C11orf54: variants seen among roughly 807,000 people sequenced by gnomAD.
The protein encoded by C11orf54 is beta-keto L-gulonate decarboxylase.
A neutral mutation model predicts 35.5 loss-of-function variants in C11orf54; 29 were observed. That is an observed-to-expected ratio of 0.82 (90% confidence interval 0.61 to 1.11). The LOEUF is 1.11. Among genes scored for constraint, C11orf54 ranks in the 50% most tolerant of loss-of-function variants. The probability of loss-of-function intolerance (pLI) is 0.00; values close to 1 mark genes in which losing one functional copy is unlikely to be tolerated. For synonymous variants in C11orf54, 108 were observed against 121.1 expected (o/e 0.89, Z 0.71); for missense variants, 373 against 369.2 (o/e 1.01, Z -0.08).
rs375325869 is a variant in C11orf54, at chr11:93,761,681, G to A, written c.941G>A (p.Arg314Gln). Residue 314 changes from arginine to glutamine, a missense_variant, in exon 9 of 9, where the codon CGA becomes CAA. Arg to Gln is a conservative substitution (Grantham distance 43). Coordinates refer to ENST00000354421, the MANE Select transcript of C11orf54 (RefSeq NM_001286069.2). ...DQPKETHSIG[R>Q]D The stretch of plus-strand genomic sequence containing the variant: ...CCAAAAGAGACGCATTCAATTGGGC[G>A]AGATTAAATCAGCTGATACTTATTT... 6.9e-6 allele frequency: 11 copies of A among 1,591,670 alleles called. No individual in the cohort carries two copies. The African/African-American group carries it at 9.5e-5, about 14-fold the overall frequency.
At chr11:93,757,508 G>C (rs777054743) in intron 7 of C11orf54, 43 bp downstream of exon 7, 2 of 1,552,936 alleles carry the variant, frequency 1.3e-6, no homozygotes, top group Admixed American at 3.9e-5. Context: ...GAGTTTGTGT[G>C]TGTGCACTTA....
intron 2 of C11orf54, among the ~76,000 whole-genome samples, chr11:93,749,012 C>T (rs1028688497): frequency 4.6e-5 from 7 of 151,586 alleles, no homozygotes; most frequent in African/African-American, 7.3e-5. Flanking sequence ...GGTGTGGTGG[C>T]GGGCGCCTGT....
chr11:93,749,760 T>G (rs960407913), intron 2 of C11orf54, among the ~76,000 whole-genome samples: 3 of 152,226 alleles, frequency 2.0e-5, no homozygotes, highest in Non-Finnish European at 2.9e-5. Flanking sequence ...TACAGTAAAG[T>G]ATGCTAATCT....
intron 8 of C11orf54, among the ~76,000 whole-genome samples, 175 bp downstream of exon 8, chr11:93,760,033 G>A (rs1055837114): frequency 6.6e-6 from 1 of 152,210 alleles, no homozygotes; most frequent in African/African-American, 2.4e-5. Context: ...TGCAACCTCC[G>A]CCTCCTGGGT....
intron 8 of C11orf54, among the ~76,000 whole-genome samples, chr11:93,760,227 G>A (rs1228398231): frequency 6.6e-6 from 1 of 152,140 alleles, no homozygotes; most frequent in Non-Finnish European, 1.5e-5. Context: ...TTACAAGCAT[G>A]AGCCACCATG....
At position 93,763,249 on chromosome 11, in the gene C11orf54, A is replaced by C. The variant is rs532897043; in HGVS notation, c.*1561A>C. 2 of 152,162 alleles carry C rather than the reference A, an allele frequency of 1.3e-5. No individual in the cohort carries two copies. The highest frequency in any genetic ancestry group is 4.8e-5 in the African/African-American group (2 of 41,432). 9.4% of individuals were successfully genotyped at this position (152,162 alleles called of 1,614,324 possible). A position where few individuals can be genotyped will look rare whatever the true frequency, so the allele number is the denominator to read the frequency against. On this transcript the variant is annotated 3_prime_UTR_variant, in exon 9 of 9. Transcript: ENST00000354421. Reference sequence around the variant, plus strand: ...GCCTTTAACTGCTAGCAAAGTAGCCACTCGGATGATTATACCAAACACTTT... The same window carrying C: ...GCCTTTAACTGCTAGCAAAGTAGCCCCTCGGATGATTATACCAAACACTTT...
intron 1 of C11orf54, among the ~76,000 whole-genome samples, chr11:93,744,967 T>G (rs11020505): frequency 0.55 from 84,246 of 151,932 alleles, 24,797 homozygotes; most frequent in Admixed American, 0.69. Context: ...TAAAGAAATC[T>G]GCGTCATAAA....
Position 93,754,045 on chromosome 11 carries a change from T to C in C11orf54, c.330+8T>C. The C allele has an allele frequency of 6.2e-7, 1 of 1,602,966 alleles. No homozygotes were observed. Among genetic ancestry groups the C allele is most frequent in the Non-Finnish European group, 8.5e-7 (1 of 1,174,896 alleles). On this transcript the variant is annotated splice_region_variant and intron_variant, in intron 5 of 8. Transcript: ENST00000354421. Reference sequence around the variant, plus strand: ...CTCGGGTTCAATTCTGAGGTCAGCATATATAAGAAAATTATTTTACTTTAT... The same window carrying C: ...CTCGGGTTCAATTCTGAGGTCAGCACATATAAGAAAATTATTTTACTTTAT...
chr11:93,761,596 G>C lies in C11orf54; in HGVS notation c.856G>C (p.Asp286His). The change falls in exon 9 of 9, where the codon GAT becomes CAT. Residue 286 changes from aspartate (D) to histidine (H), a missense_variant. By Grantham distance (81) the Asp-to-His change is moderately conservative. Coordinates refer to ENST00000354421, the MANE Select transcript of C11orf54 (RefSeq NM_001286069.2). ...ACACTACCATTATGACACTACTCCA[G>C]ATATAGTGGAATATCTTGGATACTT... is the stretch of plus-strand genomic sequence containing the variant. Reference protein sequence around the residue: ...GGHYHYDTTPDIVEYLGYFLP... With the variant: ...GGHYHYDTTPHIVEYLGYFLP... The C allele has an allele frequency of 6.2e-7, 1 of 1,613,424 alleles. No individual in the cohort carries two copies. Among genetic ancestry groups the C allele is most frequent in the Non-Finnish European group, 8.5e-7 (1 of 1,179,636 alleles).
rs1943546753 is a variant in C11orf54 at position 93,763,115 on chromosome 11, A to G, written c.*1427A>G. 3.3e-5 allele frequency: 5 copies of G among 152,210 alleles called. No homozygotes were observed. The highest frequency in any genetic ancestry group is 2.0e-4 in the Admixed American group (3 of 15,282). The allele number at this position is 152,210 out of a possible 1,614,324, so 9.4% of individuals were successfully genotyped here. ...TTGTAATATCTTACCTCCAGACAAA[A>G]TAATATTAATAGTCTATCATTTAAC... is the stretch of plus-strand genomic sequence containing the variant. On this transcript the variant is annotated 3_prime_UTR_variant, in exon 9 of 9. Transcript: ENST00000354421.
rs1450887176 is a variant in C11orf54, at chr11:93,763,410, C to G, written c.*1722C>G. 2 of 152,134 alleles carry G rather than the reference C, an allele frequency of 1.3e-5. No individual in the cohort carries two copies. Among genetic ancestry groups the G allele is most frequent in the African/African-American group, 4.8e-5 (2 of 41,426 alleles). The allele number at this position is 152,134 out of a possible 1,614,324, so 9.4% of individuals were successfully genotyped here. On this transcript the variant is annotated 3_prime_UTR_variant, in exon 9 of 9. Coordinates refer to ENST00000354421, the MANE Select transcript of C11orf54 (RefSeq NM_001286069.2). ...GCTATTTTTTTGTGGCCATCCCGCACTGAGACAGGATGCATTCCACACTCA... is the reference window on the plus strand; with the variant it reads ...GCTATTTTTTTGTGGCCATCCCGCAGTGAGACAGGATGCATTCCACACTCA...
Position 93,753,988 on chromosome 11 carries a change from T to G in C11orf54, c.281T>G (p.Ile94Ser), listed in dbSNP as rs1351640309. Reference protein sequence around the residue: ...AKEIKLPGAFILGAGAGPFQT... With the variant: ...AKEIKLPGAFSLGAGAGPFQT... Reference sequence around the variant, plus strand: ...GAAATCAAGCTGCCTGGAGCCTTTATTCTTGGAGCAGGAGCAGGTCCATTT... The same window carrying G: ...GAAATCAAGCTGCCTGGAGCCTTTAGTCTTGGAGCAGGAGCAGGTCCATTT... Residue 94 changes from isoleucine (I) to serine (S), a missense_variant, in exon 5 of 9, where the codon ATT becomes AGT. By Grantham distance (142) the Ile-to-Ser change is moderately radical. Transcript: ENST00000354421. The G allele has an allele frequency of 3.7e-6, 6 of 1,614,164 alleles. No homozygotes were observed. The highest frequency in any genetic ancestry group is 5.1e-6 in the Non-Finnish European group (6 of 1,180,006).
In C11orf54 at chr11:93,763,692, G is replaced by T. The variant is rs1045328292; in HGVS notation, c.*2004G>T. 6.6e-6 allele frequency: 1 copy of T among 152,170 alleles called. No individual in the cohort carries two copies. The highest frequency in any genetic ancestry group is 2.1e-4 in the South Asian group (1 of 4,830). 9.4% of individuals were successfully genotyped at this position (152,170 alleles called of 1,614,324 possible). ...AATCACTTGAGCCCAGAAGTTGGAG[G>T]CTACAGTGAGCTATGATTGTTTCAT... On this transcript the variant is annotated 3_prime_UTR_variant, in exon 9 of 9. Transcript: ENST00000354421.
At chr11:93,755,933 A>G (rs115427272) in intron 6 of C11orf54, among the ~76,000 whole-genome samples, 3,451 of 152,044 alleles carry the variant, frequency 0.023, 129 homozygotes, top group African/African-American at 0.076. Flanking sequence ...TTGGGAGGCC[A>G]AGGTGGGTAG....
chr11:93,757,728 C>T (rs1316109582), intron 7 of C11orf54, among the ~76,000 whole-genome samples: 2 of 152,090 alleles, frequency 1.3e-5, no homozygotes, highest in East Asian at 3.9e-4. Context: ...AAGGTTTTGC[C>T]ACATTGGCCA....
At chr11:93,757,233 G>A in intron 6 of C11orf54, 83 bp from the exon 7 acceptor site, 1 of 1,418,656 alleles carries the variant, frequency 7.0e-7, no homozygotes, top group Non-Finnish European at 9.4e-7. Flanking sequence ...ATATTTGCTT[G>A]ATAGAATTAA....
At chr11:93,751,820 C>CTTTTT (rs35146074) in intron 3 of C11orf54, among the ~76,000 whole-genome samples, 115 of 80,208 alleles carry the variant, frequency 1.4e-3, no homozygotes, top group African/African-American at 3.7e-3. Flanking sequence ...AATGGTTAAT[C>CTTTTT]TTTTTTTTTT....
intron 7 of C11orf54, 141 bp downstream of exon 7, chr11:93,757,606 T>G: frequency 3.4e-6 from 3 of 877,226 alleles, no homozygotes; most frequent in East Asian, 2.5e-5. Flanking sequence ...CTTGGCTCAC[T>G]GCAACCTCCA....
At position 93,759,723 on chromosome 11, in the gene C11orf54, T is replaced by A; in HGVS notation, c.658-19T>A. On this transcript the variant is annotated intron_variant, in intron 7 of 8. Coordinates refer to ENST00000354421, the MANE Select transcript of C11orf54 (RefSeq NM_001286069.2). ...GTAATATTCAGTATGTTTACCTATGTAATTATCTTTTGTTGTAGCCTGCAG... is the reference window on the plus strand; with the variant it reads ...GTAATATTCAGTATGTTTACCTATGAAATTATCTTTTGTTGTAGCCTGCAG... The A allele has an allele frequency of 7.2e-7, 1 of 1,386,766 alleles. No individual in the cohort carries two copies. The highest frequency in any genetic ancestry group is 1.0e-6 in the Non-Finnish European group (1 of 990,258). 85.9% of individuals were successfully genotyped at this position (1,386,766 alleles called of 1,614,324 possible).
Sources: allele counts gnomAD v4.1 joint callset (sites outside exome capture counted in the v4.1 genomes callset), GRCh38; gene constraint gnomAD v4.1.1; transcripts MANE v1.5; gene names NCBI Gene and HGNC (gene_info 2026-07-23, HGNC 2026-07-21).